Variants in NEMP1 observed in about 807,000 individuals in gnomAD.
NEMP1 encodes nuclear envelope integral membrane protein 1.
NEMP1 carries 29 observed loss-of-function variants against 53.7 expected under a neutral mutation model. The observed-to-expected ratio is 0.54, with a 90% confidence interval of 0.40 to 0.74. The LOEUF (loss-of-function observed/expected upper bound fraction) is 0.74. Ranked by LOEUF, NEMP1 falls within the 30% of genes least tolerant of loss-of-function variation. The pLI is 0.00. For synonymous variants in NEMP1, 193 were observed against 192.9 expected (o/e 1.00, Z 0.00); for missense variants, 477 against 528.6 (o/e 0.90, Z 0.96).
upstream of NEMP1, chr12:57,078,850 A>C: frequency 8.5e-5 from 109 of 1,277,164 alleles, no homozygotes; most frequent in East Asian, 2.3e-4. Context: ...CTATCAACCA[A>C]TGGGATGGGC....
intron 4 of NEMP1, among the ~76,000 whole-genome samples, chr12:57,065,723 C>CT (rs2032040342): frequency 6.6e-6 from 1 of 151,688 alleles, no homozygotes; most frequent in African/African-American, 2.4e-5. Context: ...TGGTCTCGAA[C>CT]TCCCTGGGCT....
intron 4 of NEMP1, among the ~76,000 whole-genome samples, chr12:57,067,269 A>G (rs1169426668): frequency 6.6e-6 from 1 of 151,908 alleles, no homozygotes; most frequent in African/African-American, 2.4e-5. Flanking sequence ...GCTTGCAGTG[A>G]GCCGAGATCG....
At chr12:57,082,282 A>G (rs903426591), upstream of NEMP1, among the ~76,000 whole-genome samples, 2 of 152,352 alleles carry the variant, frequency 1.3e-5, no homozygotes, top group Non-Finnish European at 2.9e-5. Context: ...TTAGTTAATA[A>G]TAATGTTTCA....
intron 6 of NEMP1, 42 bp downstream of exon 6, chr12:57,064,029 C>G (rs764205441): frequency 8.4e-7 from 1 of 1,185,764 alleles, no homozygotes; most frequent in South Asian, 1.3e-5. Context: ...ACTGAAACAG[C>G]CTATAAACGT....
At chr12:57,069,136 G>T (rs997319323) in intron 4 of NEMP1, 98 bp downstream of exon 4, 5 of 739,092 alleles carry the variant, frequency 6.8e-6, no homozygotes, top group Non-Finnish European at 1.0e-5. Context: ...AGCCATAAAG[G>T]TCCTGGAAAT....
chr12:57,079,088 G>A (rs1025977513), upstream of NEMP1, among the ~76,000 whole-genome samples: 1 of 152,224 alleles, frequency 6.6e-6, no homozygotes, highest in African/African-American at 2.4e-5. Flanking sequence ...AATGGGAGAG[G>A]CCTCCTTGAC....
rs369244296 is a variant in NEMP1, at chr12:57,064,058, C to A, written c.754+13G>T. Reference sequence around the variant, plus strand: ...TAAACGTACAAAAGGAAAGCAAAACCGACAACACTTACTTAAAAGATACTG... The same window carrying A: ...TAAACGTACAAAAGGAAAGCAAAACAGACAACACTTACTTAAAAGATACTG... On this transcript the variant is annotated intron_variant, in intron 6 of 8. Transcript: ENST00000300128. The A allele has an allele frequency of 2.2e-5, 33 of 1,533,062 alleles. No individual in the cohort carries two copies. The African/African-American group carries it at 3.5e-4, about 16-fold the overall frequency. 95.0% of individuals were successfully genotyped at this position (1,533,062 alleles called of 1,614,324 possible). A position where few individuals can be genotyped will look rare whatever the true frequency, so the allele number is the denominator to read the frequency against.
chr12:57,062,153 G>T (rs921252613), intron 7 of NEMP1, among the ~76,000 whole-genome samples: 13 of 152,132 alleles, frequency 8.5e-5, no homozygotes, highest in Admixed American at 8.5e-4. Context: ...ATAAGACTAA[G>T]ACCTCCAGAG....
intron 1 of NEMP1, 63 bp from the exon 2 acceptor site, chr12:57,072,975 T>C (rs2032421814): frequency 6.9e-7 from 1 of 1,446,326 alleles, no homozygotes; most frequent in Non-Finnish European, 9.3e-7. Context: ...ACTCATTTCA[T>C]GAAAAAGATT....
chr12:57,069,352 T>A, intron 3 of NEMP1, 46 bp from the exon 4 acceptor site: 1 of 1,269,426 alleles, frequency 7.9e-7, no homozygotes, highest in Non-Finnish European at 1.1e-6. Flanking sequence ...CAAAACTGCT[T>A]AAGGTATTAT....
chr12:57,060,400 T>C (rs1237883395), intron 8 of NEMP1, among the ~76,000 whole-genome samples: 2 of 152,230 alleles, frequency 1.3e-5, no homozygotes, highest in Non-Finnish European at 2.9e-5. Flanking sequence ...TTTATGGCCC[T>C]GTAAACTTTA....
intron 5 of NEMP1, 28 bp from the exon 6 acceptor site, chr12:57,064,213 A>G (rs200627145): frequency 6.9e-7 from 1 of 1,449,868 alleles, no homozygotes; most frequent in East Asian, 2.3e-5. Flanking sequence ...AGTGAAAGCA[A>G]AAAGTTACAA....
In NEMP1 at chr12:57,064,679, G is replaced by C. The variant is rs2031986133; in HGVS notation, c.606C>G (p.Ile202Met). The C allele has an allele frequency of 3.1e-6, 5 of 1,612,816 alleles. No individual in the cohort carries two copies. The East Asian group carries it at 1.1e-4, about 36-fold the overall frequency. The change falls in exon 5 of 9, where the codon ATC (isoleucine) becomes ATG (methionine). Residue 202 changes from isoleucine to methionine, a missense_variant. By Grantham distance (10) the Ile-to-Met change is conservative. Transcript: ENST00000300128. ...TAAACTTAGATAGTATAAAAATGAT[G>C]ATTAGCAGAGAGGCCACAATTCCCA... ...MTVGIVASLL[I>M]IIFILSKFMP...
intron 1 of NEMP1, 88 bp downstream of exon 1, chr12:57,078,530 AG>A: frequency 6.7e-7 from 1 of 1,493,454 alleles, no homozygotes; most frequent in South Asian, 1.3e-5. Flanking sequence ...CCTTCTGCAG[AG>A]TAACGGCCCG....
chr12:57,082,358 T>C (rs1245367893), upstream of NEMP1, among the ~76,000 whole-genome samples: 3 of 152,234 alleles, frequency 2.0e-5, no homozygotes, highest in Non-Finnish European at 4.4e-5. Flanking sequence ...GGAAATTGAA[T>C]GTAGGGTATA....
chr12:57,062,405 G>A (rs190134731), intron 7 of NEMP1, among the ~76,000 whole-genome samples: 18 of 152,132 alleles, frequency 1.2e-4, no homozygotes, highest in Admixed American at 2.6e-4. Context: ...ACTTGAACCC[G>A]GGAGGTGGAG....
intron 1 of NEMP1, among the ~76,000 whole-genome samples, chr12:57,075,810 A>C (rs946469176): frequency 6.6e-6 from 1 of 151,602 alleles, no homozygotes; most frequent in Non-Finnish European, 1.5e-5. Context: ...TACTAAAAAT[A>C]CAAAAAAATT....
intron 8 of NEMP1, 50 bp downstream of exon 8, chr12:57,060,722 C>T (rs371317071): frequency 2.0e-5 from 31 of 1,551,866 alleles, no homozygotes; most frequent in Non-Finnish European, 2.5e-5. Flanking sequence ...TGGTAGAACT[C>T]AAGGTCACAA....
chr12:57,075,312 C>T (rs1239633401), intron 1 of NEMP1, among the ~76,000 whole-genome samples: 6 of 150,994 alleles, frequency 4.0e-5, no homozygotes, highest in African/African-American at 1.2e-4. Context: ...GGCATGAACC[C>T]GGGAAGTGGA....
Sources: allele counts gnomAD v4.1 joint callset (sites outside exome capture counted in the v4.1 genomes callset), GRCh38; gene constraint gnomAD v4.1.1; transcripts MANE v1.5; gene names NCBI Gene and HGNC (gene_info 2026-07-23, HGNC 2026-07-21).